Variants in HDAC4 observed in about 807,000 individuals in gnomAD.
HDAC4 encodes the protein histone deacetylase A.
HDAC4 carries 16 observed loss-of-function variants against 135.1 expected under a neutral mutation model. The ratio of observed to expected loss-of-function variants is 0.12; its 90% CI spans 0.08 to 0.18. The LOEUF (loss-of-function observed/expected upper bound fraction) is 0.18. Among genes scored for constraint, HDAC4 ranks in the 10% least tolerant of loss-of-function variants. The pLI, the probability that HDAC4 is intolerant of heterozygous loss-of-function variation, is 1.00. For synonymous variants in HDAC4, 685 were observed against 653.4 expected (o/e 1.05, Z -0.74); for missense variants, 1,143 against 1,511.8 (o/e 0.76, Z 4.05).
intron 2 of HDAC4, among the ~76,000 whole-genome samples, chr2:239,282,827 CACCACTCTACAATGTACAT>C (rs2050885409): frequency 1.3e-5 from 2 of 151,540 alleles, no homozygotes; most frequent in Admixed American, 6.6e-5. Flanking sequence ...ACAATGTACA[CACCACTCTACAATGTACAT>C]ACCACTCTAC....
intron 2 of HDAC4, among the ~76,000 whole-genome samples, chr2:239,247,957 C>T (rs952392360): frequency 1.3e-5 from 2 of 152,168 alleles, no homozygotes; most frequent in Admixed American, 1.3e-4. Flanking sequence ...AAGTTTAAGG[C>T]AGCATTTCGG....
chr2:239,198,031 T>C (rs675525), intron 3 of HDAC4, among the ~76,000 whole-genome samples: 135,307 of 152,014 alleles, frequency 0.89, 60,354 homozygotes, highest in South Asian at 0.97. Flanking sequence ...TTCTCTCCCT[T>C]CCTCCCTTCC....
At chr2:239,260,871 C>A (rs1236552705) in intron 2 of HDAC4, among the ~76,000 whole-genome samples, 1 of 152,138 alleles carries the variant, frequency 6.6e-6, no homozygotes, top group African/African-American at 2.4e-5. Context: ...ACACCTTGAA[C>A]CTGAGAAGGA....
At chr2:239,135,784 G>T (rs2040912379) in intron 9 of HDAC4, among the ~76,000 whole-genome samples, 2 of 152,346 alleles carry the variant, frequency 1.3e-5, no homozygotes, top group South Asian at 2.1e-4. Context: ...GAACGGAGGG[G>T]CATTGCACAC....
At chr2:239,119,547 G>A (rs1305349341) in intron 12 of HDAC4, among the ~76,000 whole-genome samples, 1 of 144,996 alleles carries the variant, frequency 6.9e-6, no homozygotes, top group African/African-American at 2.8e-5. Context: ...GGGGACCAGA[G>A]CTAAGGGCTG....
chr2:239,127,458 T>C (rs1333965411), intron 11 of HDAC4, among the ~76,000 whole-genome samples: 1 of 152,202 alleles, frequency 6.6e-6, no homozygotes, highest in African/African-American at 2.4e-5. Flanking sequence ...CATCGAGATA[T>C]ATATAAATTG....
At chr2:239,153,484 G>A (rs150000569) in intron 7 of HDAC4, among the ~76,000 whole-genome samples, 128 of 150,280 alleles carry the variant, frequency 8.5e-4, no homozygotes, top group African/African-American at 3.2e-3. Flanking sequence ...TACTTAGAAT[G>A]AGCGATGTCA....
chr2:239,187,384 C>A (rs916245951), intron 4 of HDAC4, among the ~76,000 whole-genome samples: 2 of 152,196 alleles, frequency 1.3e-5, no homozygotes, highest in African/African-American at 4.8e-5. Flanking sequence ...AGAATGTGAG[C>A]CTATGGCGCA....
chr2:239,361,365 T>C (rs1312665561), intron 1 of HDAC4, among the ~76,000 whole-genome samples: 3 of 152,212 alleles, frequency 2.0e-5, no homozygotes, highest in African/African-American at 7.2e-5. Context: ...GGATCTGATA[T>C]CAAAGATTCC....
intron 3 of HDAC4, among the ~76,000 whole-genome samples, chr2:239,218,916 G>A (rs2046795388): frequency 6.7e-6 from 1 of 150,088 alleles, no homozygotes; most frequent in Non-Finnish European, 1.5e-5. Flanking sequence ...AAACCACAAT[G>A]AGATACCATC....
In HDAC4 at chr2:239,167,733, T is replaced by G. The variant is rs529877423; in HGVS notation, c.491-3810A>C. 4.6e-5 allele frequency among the ~76,000 whole-genome samples: 7 copies of G among 152,064 alleles called. No homozygotes were observed. The highest frequency in any genetic ancestry group is 1.4e-4 in the African/African-American group (6 of 41,384). On this transcript the variant is annotated intron_variant, in intron 5 of 26. Coordinates refer to ENST00000543185, the MANE Select transcript of HDAC4 (RefSeq NM_001378414.1). The surrounding 1 kb of genome is among the most constrained non-coding windows in gnomAD (Gnocchi z 4.1). ...TCCCTAATTTTTACTTTTACTTTTT[T>G]TTTTTTTTTCTTAATTCACATTGAG...
chr2:239,397,609 T>C (rs1696653686), intron 1 of HDAC4, among the ~76,000 whole-genome samples: 1 of 152,134 alleles, frequency 6.6e-6, no homozygotes, highest in African/African-American at 2.4e-5. Context: ...TCAGTGAGGC[T>C]GCAGCAAGGG....
intron 1 of HDAC4, among the ~76,000 whole-genome samples, chr2:239,399,636 G>A (rs1696806684): frequency 6.6e-6 from 1 of 152,184 alleles, no homozygotes; most frequent in South Asian, 2.1e-4. Flanking sequence ...CTGTTTACAG[G>A]CTTACTCCCA....
chr2:239,357,766 G>A (rs1186179254), intron 1 of HDAC4, among the ~76,000 whole-genome samples: 2 of 151,432 alleles, frequency 1.3e-5, no homozygotes, highest in South Asian at 2.1e-4. Context: ...GTGCATGCCT[G>A]TAGTCCCAGC....
At position 239,139,740 on chromosome 2, in the gene HDAC4, C is replaced by T. The variant is rs551711839; in HGVS notation, c.922G>A (p.Gly308Arg). Residue 308 changes from glycine (G) to arginine (R), a missense_variant, in exon 9 of 27, where the codon GGG becomes AGG. Transcript: ENST00000543185. This position sits in a 1 kb window ranked among gnomAD's most constrained non-coding sequence, Gnocchi z 5.3. ...SGPSSPNNSS[G>R]SVSAENGIAP... ...ATACCGTTCTCCGCGCTGACGCTCC[C>T]GGAGCTGTTGTTGGGTGAGCTGGGT... 9.9e-6 allele frequency: 16 copies of T among 1,614,106 alleles called. No homozygotes were observed. In the Middle Eastern group the frequency reaches 4.9e-4, roughly 50 times the overall value.
intron 1 of HDAC4, among the ~76,000 whole-genome samples, chr2:239,374,288 A>G (rs1023726274): frequency 1.3e-5 from 2 of 151,332 alleles, no homozygotes; most frequent in African/African-American, 4.9e-5. Context: ...AGGAAAACAC[A>G]GGTCAGAGGT....
At chr2:239,154,037 G>A (rs983093333) in intron 7 of HDAC4, among the ~76,000 whole-genome samples, 1 of 152,202 alleles carries the variant, frequency 6.6e-6, no homozygotes, top group Admixed American at 6.5e-5. Flanking sequence ...TTTGGGATGG[G>A]GGAGGAGCCA....
intron 4 of HDAC4, among the ~76,000 whole-genome samples, chr2:239,184,305 G>A (rs900931211): frequency 2.0e-5 from 3 of 150,804 alleles, no homozygotes; most frequent in Non-Finnish European, 4.4e-5. Flanking sequence ...CTAAGTGTCT[G>A]TCCTGGAGGA....
At chr2:239,163,676 G>A in intron 6 of HDAC4, 127 bp downstream of exon 6, 1 of 1,003,866 alleles carries the variant, frequency 1.0e-6, no homozygotes, top group South Asian at 1.3e-5. Context: ...TGTGCTTGGG[G>A]TTTCAATTCC....
Sources: allele counts gnomAD v4.1 joint callset (sites outside exome capture counted in the v4.1 genomes callset), GRCh38; gene constraint gnomAD v4.1.1; non-coding constraint Gnocchi (gnomAD v3.1); transcripts MANE v1.5; gene names NCBI Gene and HGNC (gene_info 2026-07-23, HGNC 2026-07-21).